Variants in SCFD2 observed in about 807,000 individuals in gnomAD.
SCFD2 encodes the protein sec1 family domain containing 2.
A neutral mutation model predicts 58.9 loss-of-function variants in SCFD2; 54 were observed. That is an observed-to-expected ratio of 0.92 (90% CI 0.74 to 1.15). SCFD2 has a LOEUF of 1.15. Among genes scored for constraint, SCFD2 ranks in the 50% most tolerant of loss-of-function variants. The pLI is 0.00. For missense variants in SCFD2, 805 were observed against 836.6 expected (o/e 0.96, Z 0.47); for synonymous variants, 321 against 335.9 (o/e 0.96, Z 0.49).
intron 7 of SCFD2, among the ~76,000 whole-genome samples, chr4:52,887,609 T>C (rs1014761848): frequency 6.6e-6 from 1 of 152,106 alleles, no homozygotes; most frequent in Non-Finnish European, 1.5e-5. Flanking sequence ...CCAGCCAGAA[T>C]GGAGCATGCA....
At chr4:53,251,393 A>G (rs1486380497) in intron 4 of SCFD2, among the ~76,000 whole-genome samples, 2 of 152,228 alleles carry the variant, frequency 1.3e-5, no homozygotes, top group Non-Finnish European at 2.9e-5. Context: ...TGAGGCCAGC[A>G]GCATCCTGAT....
intron 5 of SCFD2, among the ~76,000 whole-genome samples, chr4:52,941,054 T>C (rs1577844513): frequency 6.6e-6 from 1 of 151,138 alleles, no homozygotes; most frequent in Non-Finnish European, 1.5e-5. Context: ...AGACCCTCTA[T>C]CCAAGCCATA....
chr4:53,045,265 T>G (rs762703248), intron 5 of SCFD2, among the ~76,000 whole-genome samples: 1 of 152,190 alleles, frequency 6.6e-6, no homozygotes, highest in Non-Finnish European at 1.5e-5. Context: ...CATTTATTAT[T>G]TGTTTTATAG....
chr4:53,067,892 G>A (rs186810085), intron 5 of SCFD2, among the ~76,000 whole-genome samples: 51 of 152,176 alleles, frequency 3.4e-4, no homozygotes, highest in African/African-American at 1.1e-3. Context: ...ATGACTAGGC[G>A]AGAGATGAAG....
intron 4 of SCFD2, among the ~76,000 whole-genome samples, chr4:53,253,279 A>T (rs1428834135): frequency 1.3e-5 from 2 of 152,198 alleles, no homozygotes; most frequent in Non-Finnish European, 2.9e-5. Context: ...GAACACTTTT[A>T]CACTGTTGGT....
chr4:52,902,088 C>G (rs952565888), intron 7 of SCFD2, among the ~76,000 whole-genome samples: 1 of 152,206 alleles, frequency 6.6e-6, no homozygotes, highest in South Asian at 2.1e-4. Flanking sequence ...ATTCCCCATA[C>G]GTGGAGACTG....
chr4:53,249,524 T>C (rs1730266618), intron 4 of SCFD2, among the ~76,000 whole-genome samples: 1 of 151,846 alleles, frequency 6.6e-6, no homozygotes, highest in Non-Finnish European at 1.5e-5. Flanking sequence ...AAAGTTGAAA[T>C]GAAGGAAAAA....
intron 2 of SCFD2, among the ~76,000 whole-genome samples, chr4:53,326,992 A>C (rs1733219010): frequency 6.6e-6 from 1 of 150,716 alleles, no homozygotes; most frequent in Non-Finnish European, 1.5e-5. Context: ...CTTTATAATA[A>C]AGTCCAAATA....
At chr4:53,165,453 G>C (rs1726978180) in intron 4 of SCFD2, among the ~76,000 whole-genome samples, 1 of 152,020 alleles carries the variant, frequency 6.6e-6, no homozygotes, top group Non-Finnish European at 1.5e-5. Context: ...TAATCTCAGA[G>C]ATCCATGGCA....
intron 5 of SCFD2, among the ~76,000 whole-genome samples, chr4:52,967,088 A>T (rs934979489): frequency 6.6e-6 from 1 of 152,238 alleles, no homozygotes; most frequent in African/African-American, 2.4e-5. Flanking sequence ...TCATATAAGT[A>T]GAATCATACA....
intron 4 of SCFD2, among the ~76,000 whole-genome samples, chr4:53,162,712 G>A (rs1194795785): frequency 6.6e-6 from 1 of 151,556 alleles, no homozygotes; most frequent in African/African-American, 2.4e-5. Context: ...GGTGGGGGGA[G>A]TGGGGAGGGA....
intron 4 of SCFD2, among the ~76,000 whole-genome samples, chr4:53,230,576 A>T (rs1293365166): frequency 1.4e-5 from 2 of 142,966 alleles, no homozygotes; most frequent in African/African-American, 5.1e-5. Context: ...GAACACTGAG[A>T]ACGCATGGAC....
chr4:53,243,456 C>T (rs2412397), intron 4 of SCFD2, among the ~76,000 whole-genome samples: 104,742 of 151,876 alleles, frequency 0.69, 36,348 homozygotes, highest in Middle Eastern at 0.78. Context: ...ACCAGACCTG[C>T]CTTACAAGAA....
At chr4:53,024,624 A>G (rs1049036621) in intron 5 of SCFD2, among the ~76,000 whole-genome samples, 1 of 152,192 alleles carries the variant, frequency 6.6e-6, no homozygotes, top group Non-Finnish European at 1.5e-5. Context: ...ATTCTAAAAA[A>G]TAAAAATAAA....
In SCFD2 at chr4:52,920,720, C is replaced by T. The variant is rs1719714487; in HGVS notation, c.1707+5G>A. 6.3e-7 allele frequency: 1 copy of T among 1,582,892 alleles called. No individual in the cohort carries two copies. Among genetic ancestry groups the T allele is most frequent in the African/African-American group, 1.4e-5 (1 of 72,792 alleles). On this transcript the variant is annotated splice_donor_5th_base_variant and intron_variant, in intron 6 of 8. Coordinates refer to ENST00000401642, the MANE Select transcript of SCFD2 (RefSeq NM_152540.4). ...AGAAGGTTACTTTAAAACGTATATA[C>T]TTGCCTGGTGGGTATGATTTCCAGG... is the stretch of plus-strand genomic sequence containing the variant.
intron 4 of SCFD2, among the ~76,000 whole-genome samples, chr4:53,206,638 ATT>A (rs1728414597): frequency 6.6e-6 from 1 of 152,096 alleles, no homozygotes; most frequent in Non-Finnish European, 1.5e-5. Context: ...ATAAATACTA[ATT>A]ACCCTATACA....
chr4:53,096,895 G>A (rs1369865860), intron 5 of SCFD2, among the ~76,000 whole-genome samples: 3 of 152,092 alleles, frequency 2.0e-5, no homozygotes, highest in Non-Finnish European at 4.4e-5. Flanking sequence ...TTTTGTATAA[G>A]GTGTAAGGAA....
chr4:53,298,392 TG>T (rs1410781030), intron 3 of SCFD2, among the ~76,000 whole-genome samples: 6 of 151,942 alleles, frequency 3.9e-5, no homozygotes, highest in Non-Finnish European at 8.8e-5. Flanking sequence ...GTAGCGAGGC[TG>T]GGGGAGGGGC....
chr4:53,198,649 G>A (rs1312543088), intron 4 of SCFD2, among the ~76,000 whole-genome samples: 1 of 151,590 alleles, frequency 6.6e-6, no homozygotes, highest in Non-Finnish European at 1.5e-5. Flanking sequence ...GGATGTTTTG[G>A]TTTTATGCTG....
Sources: allele counts gnomAD v4.1 joint callset (sites outside exome capture counted in the v4.1 genomes callset), GRCh38; gene constraint gnomAD v4.1.1; transcripts MANE v1.5; gene names NCBI Gene and HGNC (gene_info 2026-07-23, HGNC 2026-07-21).